ATRNL1: variants seen among roughly 807,000 people sequenced by gnomAD.
ATRNL1 encodes the protein attractin like 1.
Under a neutral mutation model 182.7 loss-of-function variants are expected in ATRNL1, and 95 were observed. That is an observed-to-expected ratio of 0.52 (90% CI 0.44 to 0.62). ATRNL1 has a LOEUF of 0.62. Among genes scored for constraint, ATRNL1 ranks in the 20% least tolerant of loss-of-function variants. The probability of loss-of-function intolerance (pLI) is 0.00; values close to 1 mark genes in which losing one functional copy is unlikely to be tolerated. For missense variants in ATRNL1, 1,471 were observed against 1,679.5 expected, an observed-to-expected ratio of 0.88 and a Z score of 2.17; for synonymous variants, 576 against 568.3, an observed-to-expected ratio of 1.01 and a Z score of -0.19.
chr10:115,203,080 T>G (rs1848652836), intron 8 of ATRNL1, among the ~76,000 whole-genome samples: 1 of 152,174 alleles, frequency 6.6e-6, no homozygotes. Context: ...TTTATTGGAA[T>G]AAGAGAATAG....
At position 115,875,733 on chromosome 10, in the gene ATRNL1, T is replaced by C. The variant is rs147679442; in HGVS notation, c.4018+27742T>C. 3.9e-3 allele frequency among the ~76,000 whole-genome samples: 593 copies of C among 152,342 alleles called. 16 individuals are homozygous for C. In the East Asian group the frequency reaches 0.062, roughly 16 times the overall value. On this transcript the variant is annotated intron_variant, in intron 28 of 28. Transcript: ENST00000355044. ...CTAACAGGTATGTTCCCAGCCCTTATAGAGCTTATAGTCTGGTGTGGGAGA... is the reference window on the plus strand; with the variant it reads ...CTAACAGGTATGTTCCCAGCCCTTACAGAGCTTATAGTCTGGTGTGGGAGA...
chr10:115,445,030 C>T (rs1278144123), intron 21 of ATRNL1, among the ~76,000 whole-genome samples: 1 of 151,868 alleles, frequency 6.6e-6, no homozygotes, highest in Non-Finnish European at 1.5e-5. Context: ...TGCACCCGAC[C>T]CTGAAATTAT....
At chr10:115,182,393 C>T (rs1847782104) in intron 8 of ATRNL1, among the ~76,000 whole-genome samples, 1 of 151,264 alleles carries the variant, frequency 6.6e-6, no homozygotes, top group African/African-American at 2.4e-5. Flanking sequence ...ACGTTCTTAC[C>T]TACCAAAAGA....
intron 14 of ATRNL1, among the ~76,000 whole-genome samples, chr10:115,282,476 T>C (rs564148218): frequency 3.0e-4 from 46 of 151,592 alleles, no homozygotes; most frequent in Middle Eastern, 3.4e-3. Context: ...TTCACATTTC[T>C]TATAATAAAT....
chr10:115,941,215 C>A (rs1256913827), intron 28 of ATRNL1, among the ~76,000 whole-genome samples: 1 of 152,064 alleles, frequency 6.6e-6, no homozygotes, highest in Non-Finnish European at 1.5e-5. Flanking sequence ...TAAGAAATGA[C>A]AAAAAGCTGT....
At chr10:115,618,480 G>C (rs1857552323) in intron 26 of ATRNL1, among the ~76,000 whole-genome samples, 1 of 151,404 alleles carries the variant, frequency 6.6e-6, no homozygotes. Context: ...TTTGCATAAT[G>C]GTATTTCATA....
chr10:115,387,189 A>G (rs1858411634), intron 19 of ATRNL1, among the ~76,000 whole-genome samples: 2 of 152,116 alleles, frequency 1.3e-5, no homozygotes, highest in Admixed American at 1.3e-4. Flanking sequence ...ACAAAAGGTT[A>G]GTCTTAAGAT....
intron 27 of ATRNL1, among the ~76,000 whole-genome samples, chr10:115,746,037 T>C (rs1948282964): frequency 1.3e-5 from 2 of 152,154 alleles, no homozygotes. Flanking sequence ...AGAAAAGAAA[T>C]ATTAATATCA....
At chr10:115,689,510 A>G (rs1555047406) in intron 26 of ATRNL1, among the ~76,000 whole-genome samples, 1 of 152,106 alleles carries the variant, frequency 6.6e-6, no homozygotes, top group East Asian at 1.9e-4. Context: ...AACTGTTCTT[A>G]TGTTGCTATG....
chr10:115,577,610 T>TTGTG (rs3981280), intron 26 of ATRNL1, among the ~76,000 whole-genome samples: 17,125 of 134,850 alleles, frequency 0.13, 1,256 homozygotes, highest in African/African-American at 0.18. Flanking sequence ...TTCTAACAGG[T>TTGTG]TGTGTGTGTG....
intron 28 of ATRNL1, among the ~76,000 whole-genome samples, chr10:115,922,626 C>T (rs546886424): frequency 6.6e-6 from 1 of 152,274 alleles, no homozygotes; most frequent in African/African-American, 2.4e-5. Flanking sequence ...TCACTGTACT[C>T]AGCCTGGGAA....
intron 28 of ATRNL1, among the ~76,000 whole-genome samples, chr10:115,908,480 C>T (rs1952569284): frequency 6.6e-6 from 1 of 152,164 alleles, no homozygotes; most frequent in Non-Finnish European, 1.5e-5. Context: ...ACCTCCTCTT[C>T]TGCCTCCCTC....
chr10:115,225,266 T>C (rs1425402443), intron 9 of ATRNL1, among the ~76,000 whole-genome samples: 1 of 151,754 alleles, frequency 6.6e-6, no homozygotes, highest in African/African-American at 2.4e-5. Context: ...ATTTATCATG[T>C]ATTTATGATA....
chr10:115,203,319 T>C (rs1368888370), intron 8 of ATRNL1, among the ~76,000 whole-genome samples: 3 of 152,064 alleles, frequency 2.0e-5, no homozygotes, highest in African/African-American at 7.2e-5. Flanking sequence ...ATATAAGCTG[T>C]TGAAGGGAAT....
chr10:115,914,550 C>T (rs1350785784), intron 28 of ATRNL1, among the ~76,000 whole-genome samples: 1 of 152,174 alleles, frequency 6.6e-6, no homozygotes, highest in East Asian at 1.9e-4. Context: ...GCAAGGACTT[C>T]CAGGTGCCTG....
rs568957239 is a variant in ATRNL1, at chr10:115,605,171, C to T, written c.3795+55635C>T. Among the ~76,000 whole-genome samples, 15 of 152,002 alleles carry T rather than the reference C, an allele frequency of 9.9e-5. No individual in the cohort carries two copies. In the East Asian group the frequency reaches 2.3e-3, roughly 24 times the overall value. On this transcript the variant is annotated intron_variant, in intron 26 of 28. Coordinates refer to ENST00000355044, the MANE Select transcript of ATRNL1 (RefSeq NM_207303.4). ...ACATCAATTTAAATGTTTTTACTAC[C>T]GTTATTATCTCCTTATAATACCTTG...
At chr10:115,324,135 T>C (rs1209275517) in intron 18 of ATRNL1, among the ~76,000 whole-genome samples, 1 of 152,188 alleles carries the variant, frequency 6.6e-6, no homozygotes, top group Non-Finnish European at 1.5e-5. Context: ...TTTTTTAATC[T>C]CCTGGTTTTT....
chr10:115,742,247 G>T (rs1330314210), intron 27 of ATRNL1, among the ~76,000 whole-genome samples: 4 of 151,984 alleles, frequency 2.6e-5, no homozygotes, highest in Non-Finnish European at 5.9e-5. Context: ...AAGTTTTTTT[G>T]GGGAAGAAAT....
intron 10 of ATRNL1, among the ~76,000 whole-genome samples, chr10:115,255,437 TTGTC>T (rs371997044): frequency 1.9e-3 from 295 of 152,312 alleles, no homozygotes; most frequent in African/African-American, 6.7e-3. Flanking sequence ...GACTCTCTGT[TTGTC>T]TGTTAATGGT....
Sources: gnomAD v4.1 joint callset for allele counts (sites outside exome capture counted in the v4.1 genomes callset) on GRCh38, gnomAD v4.1.1 for gene constraint, MANE v1.5 for transcripts, NCBI Gene and HGNC (gene_info 2026-07-23, HGNC 2026-07-21) for gene names.